SOD2: variants seen among roughly 807,000 people sequenced by gnomAD.
SOD2 encodes the protein superoxide dismutase [Mn], mitochondrial.
Under a neutral mutation model 27.0 loss-of-function variants are expected in SOD2, and 11 were observed. The ratio of observed to expected loss-of-function variants is 0.41; its 90% CI spans 0.26 to 0.67. The LOEUF (loss-of-function observed/expected upper bound fraction) is 0.67. Ranked by LOEUF, SOD2 falls within the 30% of genes least tolerant of loss-of-function variation. The pLI, the probability that SOD2 is intolerant of heterozygous loss-of-function variation, is 0.34. For synonymous variants in SOD2, 105 were observed against 103.0 expected, an observed-to-expected ratio of 1.02 and a Z score of -0.12; for missense variants, 250 against 274.5, an observed-to-expected ratio of 0.91 and a Z score of 0.63.
intron 1 of SOD2, among the ~76,000 whole-genome samples, chr6:159,716,745 G>A (rs1777927726): frequency 1.3e-5 from 2 of 152,268 alleles, no homozygotes; most frequent in South Asian, 4.1e-4. Flanking sequence ...GGTTGGTGTG[G>A]GGATGCTAAA....
At chr6:159,743,070 C>T (rs909003728) in intron 1 of SOD2, among the ~76,000 whole-genome samples, 1 of 152,236 alleles carries the variant, frequency 6.6e-6, no homozygotes, top group African/African-American at 2.4e-5. Flanking sequence ...TTGTTTGAGA[C>T]AGGGTCTCGC....
At chr6:159,705,270 A>C (rs1777601337) in intron 1 of SOD2, among the ~76,000 whole-genome samples, 1 of 152,264 alleles carries the variant, frequency 6.6e-6, no homozygotes, top group South Asian at 2.1e-4. Flanking sequence ...AGCTGGACAG[A>C]GAATGACTTT....
chr6:159,682,586 C>T lies in SOD2; in HGVS notation c.576G>A (p.Gln192=), dbSNP rs770164848. 9 of 1,613,746 alleles carry T rather than the reference C, an allele frequency of 5.6e-6. No homozygotes were observed. The Admixed American group carries it at 1.5e-4, about 27-fold the overall frequency. Residue 192 remains glutamine, a synonymous_variant, in exon 5 of 5, where the codon CAG becomes CAA. Transcript: ENST00000538183. ...IDVWEHAYYL[Q]YKNVRPDYLK... is the part of the protein sequence containing the mutation. ...GATAATCAGGCCTGACATTTTTATA[C>T]TGAAGGTAGTAAGCGTGCTCCCACA...
chr6:159,684,717 C>G, intron 4 of SOD2, 137 bp downstream of exon 4: 1 of 566,768 alleles, frequency 1.8e-6, no homozygotes, highest in Non-Finnish European at 3.0e-6. Context: ...TTTACTTACA[C>G]AAGACTCTGG....
chr6:159,683,190 A>T (rs1243289496), intron 4 of SOD2, among the ~76,000 whole-genome samples: 2 of 152,186 alleles, frequency 1.3e-5, no homozygotes, highest in Non-Finnish European at 2.9e-5. Context: ...CATCCATTTA[A>T]AAAAACTTTT....
chr6:159,753,265 A>G, intron 1 of SOD2: 1 of 738,138 alleles, frequency 1.4e-6, no homozygotes, highest in South Asian at 1.9e-5. Flanking sequence ...TTTAGGGTTT[A>G]TTTTTACTGC....
chr6:159,727,070 G>A, intron 1 of SOD2: 1 of 1,205,856 alleles, frequency 8.3e-7, no homozygotes, highest in Non-Finnish European at 1.1e-6. Context: ...TTCCCGTGAT[G>A]CCCTGGGGCT....
chr6:159,708,707 T>C (rs1443125809), intron 1 of SOD2, among the ~76,000 whole-genome samples: 1 of 152,184 alleles, frequency 6.6e-6, no homozygotes, highest in Non-Finnish European at 1.5e-5. Flanking sequence ...AGGTAATTTC[T>C]ACATTCAATG....
At chr6:159,743,102 C>T (rs1427609658) in intron 1 of SOD2, among the ~76,000 whole-genome samples, 1 of 152,228 alleles carries the variant, frequency 6.6e-6, no homozygotes, top group Non-Finnish European at 1.5e-5. Flanking sequence ...GGCTGGAGTG[C>T]AGTGGCACAA....
intron 1 of SOD2, chr6:159,739,072 A>T: frequency 6.4e-7 from 1 of 1,574,106 alleles, no homozygotes; most frequent in South Asian, 1.1e-5. Flanking sequence ...TCAAAAACAA[A>T]GTCTTTCTAT....
upstream of SOD2, among the ~76,000 whole-genome samples, chr6:159,728,659 A>G (rs992850657): frequency 1.3e-5 from 2 of 152,194 alleles, no homozygotes; most frequent in African/African-American, 4.8e-5. Context: ...GTAATTTAAA[A>G]CTATGAGCGA....
chr6:159,702,226 G>A (rs140317039), intron 1 of SOD2, among the ~76,000 whole-genome samples: 85 of 152,188 alleles, frequency 5.6e-4, no homozygotes, highest in African/African-American at 1.4e-4. Context: ...AGGCTGAGGC[G>A]GGAGGATCCC....
chr6:159,700,052 C>T (rs13212047), intron 1 of SOD2, among the ~76,000 whole-genome samples: 6 of 152,120 alleles, frequency 3.9e-5, no homozygotes, highest in Non-Finnish European at 8.8e-5. Context: ...TAGATAAAAT[C>T]GCATAAAATA....
intron 1 of SOD2, among the ~76,000 whole-genome samples, chr6:159,722,773 T>C (rs1297163137): frequency 6.6e-6 from 1 of 152,162 alleles, no homozygotes; most frequent in African/African-American, 2.4e-5. Flanking sequence ...TTACCATAAG[T>C]GTACTCTCAG....
upstream of SOD2, among the ~76,000 whole-genome samples, chr6:159,730,257 A>T (rs115835548): frequency 6.6e-6 from 1 of 152,228 alleles, no homozygotes; most frequent in Admixed American, 6.5e-5. Context: ...TGTGTGATTC[A>T]TAAGAACTGA....
intron 1 of SOD2, among the ~76,000 whole-genome samples, chr6:159,704,106 A>T (rs566052727): frequency 4.6e-5 from 7 of 152,360 alleles, no homozygotes; most frequent in African/African-American, 1.7e-4. Context: ...CAACACGGTG[A>T]AACCCCATCT....
In SOD2 at chr6:159,692,740, C is replaced by T. The variant is rs1274593008; in HGVS notation, c.147G>A (p.Leu49=). 6.2e-7 allele frequency: 1 copy of T among 1,614,186 alleles called. No homozygotes were observed. The highest frequency in any genetic ancestry group is 8.5e-7 in the Non-Finnish European group (1 of 1,180,040). ...AGGCCGCGTGGTGCTTGCTGTGGTG[C>T]AGCTGCATGATCTGCGCGTTGATGT... The part of the protein sequence containing the change: ...EPHINAQIMQ[L]HHSKHHAAYV... The change falls in exon 2 of 5, where the codon CTG becomes CTA. Residue 49 remains leucine, a synonymous_variant. Coordinates refer to ENST00000538183, the MANE Select transcript of SOD2 (RefSeq NM_000636.4).
At chr6:159,738,883 T>C in intron 1 of SOD2, 1 of 802,524 alleles carries the variant, frequency 1.2e-6, no homozygotes, top group Admixed American at 2.7e-5. Flanking sequence ...TCATAATATG[T>C]ACTGAGCCGT....
chr6:159,682,611 A>C lies in SOD2; in HGVS notation c.551T>G (p.Val184Gly). The change falls in exon 5 of 5, where the codon GTG becomes GGG. Residue 184 changes from valine (V) to glycine (G), a missense_variant. Val to Gly is a moderately radical substitution (Grantham distance 109). Coordinates refer to ENST00000538183, the MANE Select transcript of SOD2 (RefSeq NM_000636.4). ...CTGAAGGTAGTAAGCGTGCTCCCAC[A>C]CATCAATCCCCAGCAGTGGAATAAG... is the stretch of plus-strand genomic sequence containing the variant. ...TGLIPLLGID[V>G]WEHAYYLQYK... 6.2e-7 allele frequency: 1 copy of C among 1,613,622 alleles called. No homozygotes were observed. The highest frequency in any genetic ancestry group is 1.1e-5 in the South Asian group (1 of 90,982).
Sources: allele counts gnomAD v4.1 joint callset (sites outside exome capture counted in the v4.1 genomes callset), GRCh38; gene constraint gnomAD v4.1.1; transcripts MANE v1.5; gene names NCBI Gene and HGNC (gene_info 2026-07-23, HGNC 2026-07-21).